The following CADM1 variants were observed in gnomAD, a reference collection of about 807,000 sequenced individuals.
The protein encoded by CADM1 is TSLC-1.
Under a neutral mutation model 53.1 loss-of-function variants are expected in CADM1, and 15 were observed. That is an observed-to-expected ratio of 0.28 (90% CI 0.19 to 0.44). The LOEUF is 0.44. Among genes scored for constraint, CADM1 ranks in the 20% least tolerant of loss-of-function variants. The pLI is 1.00. For missense variants in CADM1, 434 were observed against 611.3 expected (o/e 0.71, Z 3.06); for synonymous variants, 281 against 243.0 (o/e 1.16, Z -1.45).
Position 115,302,202 on chromosome 11 carries a change from AT to A in CADM1, c.125-61783del, listed in dbSNP as rs575048601. 1.2e-4 allele frequency among the ~76,000 whole-genome samples: 18 copies of A among 152,154 alleles called. No individual in the cohort carries two copies. In the South Asian group the frequency reaches 1.9e-3, roughly 16 times the overall value. The stretch of plus-strand genomic sequence containing the variant: ...GTATCAGGAAAAATGACTAATGAGT[AT>A]TAGGCTTAATACTGGGGTGATGAAA... On this transcript the variant is annotated intron_variant, in intron 1 of 11. Coordinates refer to ENST00000331581, the MANE Select transcript of CADM1 (RefSeq NM_001301043.2).
At chr11:115,400,659 GTGTA>G (rs1406188818) in intron 1 of CADM1, among the ~76,000 whole-genome samples, 107 of 38,622 alleles carry the variant, frequency 2.8e-3, no homozygotes, top group Non-Finnish European at 4.5e-3. Flanking sequence ...GTGTGTGTGT[GTGTA>G]TATATATATA....
intron 1 of CADM1, among the ~76,000 whole-genome samples, chr11:115,271,690 T>C (rs1943303195): frequency 6.6e-6 from 1 of 152,234 alleles, no homozygotes; most frequent in Non-Finnish European, 1.5e-5. Context: ...GAAGCATTTA[T>C]TGGAGGTAGA....
At chr11:115,233,676 A>C (rs1941906981) in intron 3 of CADM1, among the ~76,000 whole-genome samples, 1 of 152,216 alleles carries the variant, frequency 6.6e-6, no homozygotes, top group Admixed American at 6.5e-5. Context: ...AGGTGTAACA[A>C]ATATAGGAGT....
intron 1 of CADM1, among the ~76,000 whole-genome samples, chr11:115,445,549 A>G (rs993952093): frequency 1.3e-5 from 2 of 152,154 alleles, no homozygotes; most frequent in Admixed American, 1.3e-4. Context: ...AGTTACTAAC[A>G]AGAAATTTAA....
rs140408627 is a variant in CADM1, at chr11:115,188,044, G to A, written c.1165+2844C>T. Among the ~76,000 whole-genome samples, 125 of 152,206 alleles carry A rather than the reference G, an allele frequency of 8.2e-4. 4 individuals are homozygous for A. In the East Asian group the frequency reaches 0.022, roughly 26 times the overall value. ...ACTGATGGATTTCTTGAACTGTGCT[G>A]GAGGGCCATTTTCTGGCACACTGTA... On this transcript the variant is annotated intron_variant, in intron 10 of 11. Coordinates refer to ENST00000331581, the MANE Select transcript of CADM1 (RefSeq NM_001301043.2).
chr11:115,409,440 G>T (rs1947402884), intron 1 of CADM1, among the ~76,000 whole-genome samples: 1 of 151,346 alleles, frequency 6.6e-6, no homozygotes. Flanking sequence ...TTCTTTCATT[G>T]TTAAATATTA....
At chr11:115,295,550 A>AATAT (rs1555057811) in intron 1 of CADM1, among the ~76,000 whole-genome samples, 1 of 52,998 alleles carries the variant, frequency 1.9e-5, no homozygotes, top group African/African-American at 1.3e-4. Context: ...ATATATATAT[A>AATAT]ATATATATGT....
intron 1 of CADM1, chr11:115,445,866 G>T (rs1421789140): frequency 1.0e-5 from 4 of 395,922 alleles, no homozygotes; most frequent in Admixed American, 2.8e-5. Context: ...GAGAGAGAGA[G>T]GTAATACAAT....
intron 1 of CADM1, among the ~76,000 whole-genome samples, chr11:115,413,977 T>C (rs1947527470): frequency 6.6e-6 from 1 of 152,144 alleles, no homozygotes; most frequent in Non-Finnish European, 1.5e-5. Context: ...CTAAAATTAA[T>C]CTCAAGCTGA....
intron 1 of CADM1, among the ~76,000 whole-genome samples, chr11:115,270,174 C>T (rs1298778445): frequency 6.6e-6 from 1 of 152,186 alleles, no homozygotes; most frequent in Non-Finnish European, 1.5e-5. Flanking sequence ...CGCAGACACA[C>T]AATAACAAAA....
Position 115,174,968 on chromosome 11 carries a change from A to C in CADM1, c.*1506T>G. 17 of 985,790 alleles carry C rather than the reference A, an allele frequency of 1.7e-5. No homozygotes were observed. Among genetic ancestry groups the C allele is most frequent in the Non-Finnish European group, 2.0e-5 (17 of 829,916 alleles). The allele number at this position is 985,790 out of a possible 1,614,324, so 61.1% of individuals were successfully genotyped here. On this transcript the variant is annotated 3_prime_UTR_variant, in exon 12 of 12. Transcript: ENST00000331581. ...TACCTTTTCCCGAGGCTCCCCATCT[A>C]AGATATGTTCAAGGTCACTGATTTT...
In CADM1 at chr11:115,343,917, C is replaced by CA. The variant is rs1178754747; in HGVS notation, c.125-103498dup. ...TTAGTGTCAATATTCTATATAATCT[C>CA]AAAATAGCAGACAAGAGACCTGTTG... On this transcript the variant is annotated intron_variant, in intron 1 of 11. Coordinates refer to ENST00000331581, the MANE Select transcript of CADM1 (RefSeq NM_001301043.2). Among the ~76,000 whole-genome samples the CA allele has an allele frequency of 2.0e-5, 3 of 152,006 alleles. No homozygotes were observed. The East Asian group carries it at 5.8e-4, about 29-fold the overall frequency.
At chr11:115,270,417 C>CCTAT in intron 1 of CADM1, among the ~76,000 whole-genome samples, 1 of 152,180 alleles carries the variant, frequency 6.6e-6, no homozygotes, top group South Asian at 2.1e-4. Flanking sequence ...CAGACCATTG[C>CCTAT]TGATGTCTAT....
At chr11:115,249,968 G>A (rs1416173521) in intron 1 of CADM1, among the ~76,000 whole-genome samples, 2 of 117,918 alleles carry the variant, frequency 1.7e-5, no homozygotes, top group Admixed American at 8.6e-5. Flanking sequence ...GCAGTAGTGC[G>A]ATCTCGGCTC....
chr11:115,293,963 T>C (rs1265010699), intron 1 of CADM1, among the ~76,000 whole-genome samples: 1 of 152,128 alleles, frequency 6.6e-6, no homozygotes, highest in African/African-American at 2.4e-5. Context: ...GAGAGGTAAA[T>C]AAGGAAATTA....
At chr11:115,291,380 T>C (rs1943900266) in intron 1 of CADM1, among the ~76,000 whole-genome samples, 1 of 152,216 alleles carries the variant, frequency 6.6e-6, no homozygotes, top group Non-Finnish European at 1.5e-5. Context: ...AGTCTTTTTA[T>C]ATGAAACAAA....
chr11:115,470,973 A>G (rs1948998508), intron 1 of CADM1, among the ~76,000 whole-genome samples: 1 of 152,216 alleles, frequency 6.6e-6, no homozygotes, highest in South Asian at 2.1e-4. Flanking sequence ...TCGTGTCAGC[A>G]GAGGTGCCCC....
In CADM1 at chr11:115,489,370, T is replaced by G. The variant is rs1949443337; in HGVS notation, c.124+14901A>C. ...TAATAAGACCACCACTAAATTAAATTCATAGACACTAAGGCCTTGGCATAT... is the reference window on the plus strand; with the variant it reads ...TAATAAGACCACCACTAAATTAAATGCATAGACACTAAGGCCTTGGCATAT... On this transcript the variant is annotated intron_variant, in intron 1 of 11. Coordinates refer to ENST00000331581, the MANE Select transcript of CADM1 (RefSeq NM_001301043.2). Among the ~76,000 whole-genome samples, 3 of 152,184 alleles carry G rather than the reference T, an allele frequency of 2.0e-5. No individual in the cohort carries two copies. In the South Asian group the frequency reaches 6.2e-4, roughly 32 times the overall value.
At chr11:115,262,732 T>C (rs1035490097) in intron 1 of CADM1, among the ~76,000 whole-genome samples, 1 of 152,166 alleles carries the variant, frequency 6.6e-6, no homozygotes, top group Non-Finnish European at 1.5e-5. Flanking sequence ...AATGAATGAG[T>C]TGATAAATGA....
Sources: allele counts gnomAD v4.1 joint callset (sites outside exome capture counted in the v4.1 genomes callset), GRCh38; gene constraint gnomAD v4.1.1; transcripts MANE v1.5; gene names NCBI Gene and HGNC (gene_info 2026-07-23, HGNC 2026-07-21).